Variants in NLGN1 observed in about 807,000 individuals in gnomAD.
NLGN1 encodes the protein neuroligin 1, also known as neuroligin-1.
A neutral mutation model predicts 65.5 loss-of-function variants in NLGN1; 12 were observed. That is an observed-to-expected ratio of 0.18 (90% CI 0.12 to 0.30). NLGN1 has a LOEUF of 0.30. Among genes scored for constraint, NLGN1 ranks in the 10% least tolerant of loss-of-function variants. NLGN1 has a pLI of 1.00. For synonymous variants in NLGN1, 350 were observed against 359.5 expected (o/e 0.97, Z 0.30); for missense variants, 750 against 1,007.1 (o/e 0.74, Z 3.46).
intron 3 of NLGN1, among the ~76,000 whole-genome samples, chr3:173,763,105 C>T (rs1418705018): frequency 6.6e-6 from 1 of 151,842 alleles, no homozygotes; most frequent in African/African-American, 2.4e-5. Flanking sequence ...ATGGACAAAG[C>T]TTTGGGAGCT....
chr3:173,763,518 A>AT (rs1778311139), intron 3 of NLGN1, among the ~76,000 whole-genome samples: 1 of 152,038 alleles, frequency 6.6e-6, no homozygotes, highest in Non-Finnish European at 1.5e-5. Context: ...GACATTTATG[A>AT]TTTTACTTTA....
intron 3 of NLGN1, among the ~76,000 whole-genome samples, chr3:173,781,626 C>T (rs1340786287): frequency 2.0e-5 from 3 of 152,164 alleles, no homozygotes; most frequent in African/African-American, 7.2e-5. Flanking sequence ...GAGACATGGA[C>T]ACTGGAGTTA....
chr3:173,405,553 C>G (rs1218260907), intron 1 of NLGN1, among the ~76,000 whole-genome samples: 1 of 151,968 alleles, frequency 6.6e-6, no homozygotes, highest in African/African-American at 2.4e-5. Context: ...ATAGCGATAA[C>G]TAATTAACCA....
At chr3:173,443,164 A>T (rs1459118629) in intron 2 of NLGN1, among the ~76,000 whole-genome samples, 1 of 151,826 alleles carries the variant, frequency 6.6e-6, no homozygotes, top group East Asian at 1.9e-4. Flanking sequence ...ACTTGATCGC[A>T]GGAATTGGAG....
chr3:174,244,182 A>G (rs1285994774), intron 4 of NLGN1, among the ~76,000 whole-genome samples: 1 of 152,224 alleles, frequency 6.6e-6, no homozygotes, highest in Non-Finnish European at 1.5e-5. Flanking sequence ...TAGTTCCAAT[A>G]AAGCTATTTT....
chr3:174,086,312 A>AAT (rs138497907), intron 4 of NLGN1, among the ~76,000 whole-genome samples: 206 of 10,060 alleles, frequency 0.02, 2 homozygotes, highest in African/African-American at 0.072. Context: ...TATGTGCATA[A>AAT]ATATATATAT....
intron 2 of NLGN1, among the ~76,000 whole-genome samples, chr3:173,482,713 A>T (rs1437498337): frequency 1.3e-5 from 2 of 152,012 alleles, no homozygotes; most frequent in Non-Finnish European, 2.9e-5. Flanking sequence ...GGAGAAAACC[A>T]GAATTATTAA....
At chr3:174,043,681 C>T (rs1490682330) in intron 4 of NLGN1, among the ~76,000 whole-genome samples, 1 of 152,230 alleles carries the variant, frequency 6.6e-6, no homozygotes, top group African/African-American at 2.4e-5. Context: ...GGGTACAGCA[C>T]CCCTCCCAGC....
chr3:173,764,509 C>T (rs192716347), intron 3 of NLGN1, among the ~76,000 whole-genome samples: 32 of 152,280 alleles, frequency 2.1e-4, no homozygotes, highest in Non-Finnish European at 4.6e-4. Flanking sequence ...GGTATATTTG[C>T]TCCTGTGTTC....
intron 4 of NLGN1, among the ~76,000 whole-genome samples, chr3:173,947,661 C>G (rs897926229): frequency 1.2e-4 from 19 of 152,002 alleles, no homozygotes; most frequent in African/African-American, 4.4e-4. Context: ...ATATACAATA[C>G]AGGCATGAAA....
At chr3:174,199,989 C>T (rs535967165) in intron 4 of NLGN1, among the ~76,000 whole-genome samples, 61 of 152,280 alleles carry the variant, frequency 4.0e-4, no homozygotes, top group African/African-American at 1.4e-3. Flanking sequence ...TTCTGGACAT[C>T]TAGGCCTGGA....
chr3:173,860,857 C>T (rs1728925365), intron 4 of NLGN1, among the ~76,000 whole-genome samples: 2 of 152,156 alleles, frequency 1.3e-5, no homozygotes. Flanking sequence ...GTTACCTGCT[C>T]ATGTGACCTG....
At chr3:173,962,863 A>C (rs143361530) in intron 4 of NLGN1, among the ~76,000 whole-genome samples, 61 of 152,260 alleles carry the variant, frequency 4.0e-4, no homozygotes, top group African/African-American at 1.4e-3. Context: ...GCTGGGATCT[A>C]TTATATTGAG....
chr3:173,606,748 A>G (rs903485530), intron 3 of NLGN1, among the ~76,000 whole-genome samples: 11 of 152,062 alleles, frequency 7.2e-5, no homozygotes, highest in Non-Finnish European at 7.4e-5. Context: ...TAATACTGGT[A>G]GAGTGGGATT....
chr3:174,196,619 G>C (rs1034954562), intron 4 of NLGN1, among the ~76,000 whole-genome samples: 5 of 152,030 alleles, frequency 3.3e-5, no homozygotes, highest in Non-Finnish European at 7.4e-5. Context: ...AGTGACCCTT[G>C]TTTCTGTAAC....
chr3:173,475,610 T>G (rs2148945252), intron 2 of NLGN1, among the ~76,000 whole-genome samples: 1 of 152,340 alleles, frequency 6.6e-6, no homozygotes, highest in East Asian at 1.9e-4. Context: ...TGTCTGCCAG[T>G]GAATCCCCAG....
chr3:174,290,580 A>C (rs770224265), downstream of NLGN1, among the ~76,000 whole-genome samples: 11 of 151,176 alleles, frequency 7.3e-5, no homozygotes, highest in Non-Finnish European at 1.3e-4. Flanking sequence ...AGTTAAAATT[A>C]AAATGTTAAT....
At chr3:174,111,835 A>G (rs1277895052) in intron 4 of NLGN1, among the ~76,000 whole-genome samples, 2 of 152,008 alleles carry the variant, frequency 1.3e-5, no homozygotes, top group African/African-American at 4.8e-5. Context: ...AGAGCAACAC[A>G]TGAACGTGCA....
intron 3 of NLGN1, among the ~76,000 whole-genome samples, chr3:173,790,299 G>A (rs77854987): frequency 1.4e-3 from 218 of 152,202 alleles, no homozygotes; most frequent in African/African-American, 5.1e-3. Flanking sequence ...TGTGAATGGT[G>A]TGAATTCCAG....
Sources: gnomAD v4.1 joint callset for allele counts (sites outside exome capture counted in the v4.1 genomes callset) on GRCh38, gnomAD v4.1.1 for gene constraint, MANE v1.5 for transcripts, NCBI Gene and HGNC (gene_info 2026-07-23, HGNC 2026-07-21) for gene names.